The following AGMO variants were observed in gnomAD, a reference collection of about 807,000 sequenced individuals.
AGMO encodes the protein alkylglycerol monooxygenase.
A neutral mutation model predicts 60.2 loss-of-function variants in AGMO; 75 were observed. The ratio of observed to expected loss-of-function variants is 1.25; its 90% CI spans 1.03 to 1.51. The LOEUF (loss-of-function observed/expected upper bound fraction) is 1.51. Ranked by LOEUF, AGMO falls within the 40% of genes most tolerant of loss-of-function variation. The pLI is 0.00. For missense variants in AGMO, 763 were observed against 525.5 expected, an observed-to-expected ratio of 1.45 and a Z score of -4.42; for synonymous variants, 261 against 177.1, an observed-to-expected ratio of 1.47 and a Z score of -3.76.
At chr7:15,431,863 G>C (rs1229339738) in intron 3 of AGMO, among the ~76,000 whole-genome samples, 1 of 151,704 alleles carries the variant, frequency 6.6e-6, no homozygotes, top group Non-Finnish European at 1.5e-5. Context: ...CCAAAGAAGT[G>C]TGGTTTTTAA....
intron 12 of AGMO, among the ~76,000 whole-genome samples, chr7:15,336,425 A>G (rs1781662831): frequency 6.8e-6 from 1 of 147,060 alleles, no homozygotes; most frequent in East Asian, 3.3e-4. Flanking sequence ...TGGCAAAAAA[A>G]AAAGAAAAAA....
At chr7:15,276,378 G>A (rs758513605) in intron 12 of AGMO, among the ~76,000 whole-genome samples, 14 of 151,842 alleles carry the variant, frequency 9.2e-5, no homozygotes, top group Non-Finnish European at 1.8e-4. Flanking sequence ...CTTCTGGCTT[G>A]TAAGGTTTCT....
intron 3 of AGMO, among the ~76,000 whole-genome samples, chr7:15,444,158 T>A (rs143096031): frequency 1.3e-5 from 2 of 152,324 alleles, no homozygotes; most frequent in Admixed American, 1.3e-4. Context: ...TATATTTTTT[T>A]AATTAAACAT....
chr7:15,287,880 T>G (rs2128520965), intron 12 of AGMO, among the ~76,000 whole-genome samples: 1 of 152,308 alleles, frequency 6.6e-6, no homozygotes, highest in South Asian at 2.1e-4. Context: ...CCTTTTCAAT[T>G]ACTGGCATTT....
the AGMO span, among the ~76,000 whole-genome samples, chr7:15,187,680 G>T: frequency 6.6e-6 from 1 of 152,074 alleles, no homozygotes; most frequent in Non-Finnish European, 1.5e-5. Flanking sequence ...TCTGTGTTGT[G>T]TATTGGGAGT....
At chr7:15,383,774 C>T (rs891835408) in intron 10 of AGMO, among the ~76,000 whole-genome samples, 2 of 151,602 alleles carry the variant, frequency 1.3e-5, no homozygotes, top group Non-Finnish European at 2.9e-5. Flanking sequence ...AATGTTAATC[C>T]TATCTTTATT....
At chr7:15,295,799 T>C (rs1250172975) in intron 12 of AGMO, among the ~76,000 whole-genome samples, 1 of 152,028 alleles carries the variant, frequency 6.6e-6, no homozygotes, top group Non-Finnish European at 1.5e-5. Context: ...ATTAGAGAAA[T>C]AGCTTTTAAG....
chr7:15,417,146 A>G (rs911861849), intron 5 of AGMO, among the ~76,000 whole-genome samples: 11 of 152,208 alleles, frequency 7.2e-5, no homozygotes, highest in African/African-American at 2.2e-4. Context: ...CTTGCTTCCC[A>G]TGCAGATCAA....
the AGMO span, among the ~76,000 whole-genome samples, chr7:15,159,172 T>G: frequency 6.6e-6 from 1 of 152,232 alleles, no homozygotes; most frequent in Non-Finnish European, 1.5e-5. Context: ...CAATGACTGA[T>G]TGTGCACAAT....
At chr7:15,277,231 G>A (rs1342810557) in intron 12 of AGMO, among the ~76,000 whole-genome samples, 1 of 151,816 alleles carries the variant, frequency 6.6e-6, no homozygotes, top group Non-Finnish European at 1.5e-5. Context: ...CTTGAGCCTG[G>A]GAGGCAGAGG....
intron 3 of AGMO, among the ~76,000 whole-genome samples, chr7:15,503,831 T>G (rs1783446756): frequency 6.6e-6 from 1 of 152,158 alleles, no homozygotes; most frequent in South Asian, 2.1e-4. Context: ...TACTGCAAAC[T>G]TTTTTCTGAA....
At chr7:15,266,769 CTTATGT>C (rs1244993833) in intron 12 of AGMO, among the ~76,000 whole-genome samples, 12 of 151,466 alleles carry the variant, frequency 7.9e-5, no homozygotes, top group Admixed American at 5.3e-4. Context: ...ATTTGCCTCA[CTTATGT>C]TTAAGTATCT....
intron 12 of AGMO, among the ~76,000 whole-genome samples, chr7:15,291,277 A>T (rs1784255476): frequency 6.6e-6 from 1 of 152,226 alleles, no homozygotes; most frequent in Non-Finnish European, 1.5e-5. Flanking sequence ...CTATAGAGAT[A>T]TATCGACAAA....
chr7:15,493,416 C>G (rs1331285042), intron 3 of AGMO, among the ~76,000 whole-genome samples: 3 of 138,896 alleles, frequency 2.2e-5, no homozygotes, highest in Non-Finnish European at 4.6e-5. Flanking sequence ...CTCTGTCGCC[C>G]AGGCTGGAGT....
chr7:15,260,057 G>C (rs1254800290), intron 12 of AGMO, among the ~76,000 whole-genome samples: 1 of 150,064 alleles, frequency 6.7e-6, no homozygotes, highest in Non-Finnish European at 1.5e-5. Context: ...GCAACAAATA[G>C]CATGATGAAT....
intron 12 of AGMO, among the ~76,000 whole-genome samples, chr7:15,338,184 A>G (rs773220204): frequency 6.6e-6 from 1 of 152,148 alleles, no homozygotes; most frequent in Non-Finnish European, 1.5e-5. Flanking sequence ...TGGAATTCAG[A>G]TAAAATAAAT....
chr7:15,543,731 C>T (rs565692669), intron 3 of AGMO, among the ~76,000 whole-genome samples: 3 of 152,092 alleles, frequency 2.0e-5, no homozygotes, highest in Admixed American at 2.0e-4. Flanking sequence ...CTGCTATAAA[C>T]ATGCATGTGC....
the AGMO span, among the ~76,000 whole-genome samples, chr7:15,126,482 G>A: frequency 1.3e-5 from 2 of 152,030 alleles, no homozygotes; most frequent in Admixed American, 6.6e-5. Flanking sequence ...AGTTACCTAT[G>A]AAATAAAGTT....
chr7:15,328,369 T>A (rs1393571488), intron 12 of AGMO, among the ~76,000 whole-genome samples: 7 of 152,150 alleles, frequency 4.6e-5, no homozygotes, highest in Non-Finnish European at 7.4e-5. Flanking sequence ...AGTGCTGGGA[T>A]TACAGGCGTG....
Sources: gnomAD v4.1 joint callset for allele counts (sites outside exome capture counted in the v4.1 genomes callset) on GRCh38, gnomAD v4.1.1 for gene constraint, MANE v1.5 for transcripts, NCBI Gene and HGNC (gene_info 2026-07-23, HGNC 2026-07-21) for gene names.